The following DUOX2 variants were observed in gnomAD, a reference collection of about 807,000 sequenced individuals.
DUOX2 encodes NADH/NADPH thyroid oxidase p138-tox.
In DUOX2, 185 loss-of-function variants were observed where a neutral mutation model predicts 183.3. That is an observed-to-expected ratio of 1.01 (90% CI 0.90 to 1.14). DUOX2 has a LOEUF of 1.14. Among genes scored for constraint, DUOX2 ranks in the 50% most tolerant of loss-of-function variants. The probability of loss-of-function intolerance (pLI) is 0.00; values close to 1 mark genes in which losing one functional copy is unlikely to be tolerated. For synonymous variants in DUOX2, 788 were observed against 812.4 expected (o/e 0.97, Z 0.51); for missense variants, 1,999 against 2,022.9 (o/e 0.99, Z 0.23).
At position 45,108,165 on chromosome 15, in the gene DUOX2, G is replaced by C. The variant is rs773318299; in HGVS notation, c.1456C>G (p.Leu486Val). Residue 486 changes from leucine (L) to valine (V), a missense_variant, in exon 13 of 34, where the codon CTT becomes GTT. This residue lies in a region of DUOX2 where 1,628 missense variants were observed against 1,608.6 expected (regional missense o/e 1.01). Coordinates refer to ENST00000389039, the MANE Select transcript of DUOX2 (RefSeq NM_001363711.2). ...CCATGGCTCTCCAGGAGCCCCCCAA[G>C]GAGCAGCTCTAGCTGGGATAGGTCC... ...NQDLSQLELLLGGLLESHGDP... is the reference protein window; with the variant it reads ...NQDLSQLELLVGGLLESHGDP... 6.2e-7 allele frequency: 1 copy of C among 1,614,204 alleles called. No homozygotes were observed. Among genetic ancestry groups the C allele is most frequent in the East Asian group, 2.2e-5 (1 of 44,892 alleles).
rs760870298 is a variant in DUOX2, at chr15:45,112,963, C to A, written c.160+24G>T. The A allele has an allele frequency of 2.5e-6, 4 of 1,611,928 alleles. No individual in the cohort carries two copies. In the South Asian group the frequency reaches 3.3e-5, roughly 13 times the overall value. On this transcript the variant is annotated intron_variant, in intron 3 of 33. Coordinates refer to ENST00000389039, the MANE Select transcript of DUOX2 (RefSeq NM_001363711.2). ...GGCCCTTCGCGAGCCACGGCCCCAG[C>A]ACGCCCGGGCCCCCAGAACGCACCA...
chr15:45,099,348 T>C (rs1893998315), intron 26 of DUOX2, 35 bp downstream of exon 26: 1 of 1,590,912 alleles, frequency 6.3e-7, no homozygotes, highest in Admixed American at 1.7e-5. Context: ...GGGCCCACCC[T>C]ATGAGTCCCA....
intron 23 of DUOX2, chr15:45,100,430 C>T: frequency 1.6e-6 from 1 of 613,984 alleles, no homozygotes; most frequent in Non-Finnish European, 2.9e-6. Context: ...CACTGTCTCC[C>T]TGCTACTCCC....
chr15:45,096,073 G>T lies in DUOX2; in HGVS notation c.3848-13C>A. The T allele has an allele frequency of 1.2e-6, 2 of 1,610,594 alleles. No individual in the cohort carries two copies. Among genetic ancestry groups the T allele is most frequent in the Non-Finnish European group, 1.7e-6 (2 of 1,176,796 alleles). ...AGGTAGGTCACTCCTGGAGGTCATA[G>T]ACAGGGAAAAGCACAGATGAGAAGG... is the stretch of plus-strand genomic sequence containing the variant. On this transcript the variant is annotated splice_polypyrimidine_tract_variant and intron_variant, in intron 29 of 33. Transcript: ENST00000389039.
rs1488041042 is a variant in DUOX2, at chr15:45,100,779, C to T, written c.2981G>A (p.Gly994Glu). The change falls in exon 23 of 34, where the codon GGA becomes GAA. Residue 994 changes from glycine (G) to glutamate (E), a missense_variant. Physicochemically the swap from Gly to Glu is moderately conservative, Grantham distance 98. Transcript: ENST00000389039. ...CTTTTTGCCAAACCTCTTCTTCAGTCCAGGGCCTCCCAGCTCTGGGGCTTC... is the reference window on the plus strand; with the variant it reads ...CTTTTTGCCAAACCTCTTCTTCAGTTCAGGGCCTCCCAGCTCTGGGGCTTC... ...APEAPELGGP[G>E]LKKRFGKKAA... 1 of 1,614,108 alleles carries T rather than the reference C, an allele frequency of 6.2e-7. No individual in the cohort carries two copies.
chr15:45,095,066 G>T lies in DUOX2; in HGVS notation c.4265C>A (p.Thr1422Asn). The change falls in exon 32 of 34, where the codon ACC becomes AAC. Residue 1422 changes from threonine (T) to asparagine (N), a missense_variant. This residue lies in a region of DUOX2 where 1,628 missense variants were observed against 1,608.6 expected (regional missense o/e 1.01). Transcript: ENST00000389039. ...KKIYFIWVTRTQRQFEWLADI... is the reference protein window; with the variant it reads ...KKIYFIWVTRNQRQFEWLADI... Reference sequence around the variant, plus strand: ...AGCCAGCCACTCAAACTGACGCTGGGTCCGTGTCACCCAGATGAAGTAGAT... The same window carrying T: ...AGCCAGCCACTCAAACTGACGCTGGTTCCGTGTCACCCAGATGAAGTAGAT... The T allele has an allele frequency of 6.2e-7, 1 of 1,614,020 alleles. No homozygotes were observed. The highest frequency in any genetic ancestry group is 8.5e-7 in the Non-Finnish European group (1 of 1,180,006).
In DUOX2 at chr15:45,108,246, G is replaced by A. The variant is rs1025960297; in HGVS notation, c.1399-24C>T. On this transcript the variant is annotated intron_variant, in intron 12 of 33. Transcript: ENST00000389039. ...ACCTGGGGCACCACAGGAGATAAGG[G>A]GTGAGCGTATGTTTGCTGCGGAGGG... 8 of 1,613,480 alleles carry A rather than the reference G, an allele frequency of 5.0e-6. No individual in the cohort carries two copies. The African/African-American group carries it at 5.3e-5, about 11-fold the overall frequency.
rs746165975 is a variant in DUOX2, at chr15:45,106,254, C to CT, written c.2018dup (p.Val674GlyfsTer39). The CT allele has an allele frequency of 6.2e-7, 1 of 1,614,126 alleles. No individual in the cohort carries two copies. Among genetic ancestry groups the CT allele is most frequent in the East Asian group, 2.2e-5 (1 of 44,866 alleles). ...GCACAGTGAGATGCCTGTTCAGGAC[C>CT]TGCAGACACCTGTCTGACAGCAGCT... On this transcript the variant is annotated frameshift_variant, in exon 17 of 34. Coordinates refer to ENST00000389039, the MANE Select transcript of DUOX2 (RefSeq NM_001363711.2). LOFTEE classifies it high-confidence loss of function.
At chr15:45,105,127 G>A (rs756798220) in intron 18 of DUOX2, among the ~76,000 whole-genome samples, 10 of 152,162 alleles carry the variant, frequency 6.6e-5, no homozygotes, top group African/African-American at 1.9e-4. Context: ...GGCCACAACC[G>A]TTTGTTAAAT....
chr15:45,102,420 G>A (rs1894107286), intron 20 of DUOX2, among the ~76,000 whole-genome samples: 1 of 152,204 alleles, frequency 6.6e-6, no homozygotes. Context: ...TAGCTGCAAT[G>A]CTGCTGCTTC....
Position 45,110,501 on chromosome 15 carries a change from TG to T in DUOX2, c.966del (p.Ser323AlafsTer24), listed in dbSNP as rs1413471160. ...EYTGYRPFLD[P>X]SISPEFVVAS... ...GCCACCACAAATTCCGGGGAGATGC[TG>T]GGGTCTAGGAAAGGACGGTATCCTG... On this transcript the variant is annotated frameshift_variant, in exon 9 of 34. Transcript: ENST00000389039. LOFTEE classifies it high-confidence loss of function. 3 of 1,614,058 alleles carry T rather than the reference TG, an allele frequency of 1.9e-6. No individual in the cohort carries two copies. The highest frequency in any genetic ancestry group is 2.5e-6 in the Non-Finnish European group (3 of 1,179,990).
Position 45,105,112 on chromosome 15 carries a change from C to T in DUOX2, c.2334+531G>A, listed in dbSNP as rs190977929. Among the ~76,000 whole-genome samples, 6 of 152,364 alleles carry T rather than the reference C, an allele frequency of 3.9e-5. No homozygotes were observed. The South Asian group carries it at 6.2e-4, about 16-fold the overall frequency. On this transcript the variant is annotated intron_variant, in intron 18 of 33. Transcript: ENST00000389039. ...CTGGGATTATAGGCATGAGCCACTGCGCCTGGCCACAACCGTTTGTTAAAT... is the reference window on the plus strand; with the variant it reads ...CTGGGATTATAGGCATGAGCCACTGTGCCTGGCCACAACCGTTTGTTAAAT...
intron 33 of DUOX2, 138 bp downstream of exon 33, chr15:45,094,425 T>A (rs1325401280): frequency 6.6e-7 from 1 of 1,520,218 alleles, no homozygotes; most frequent in Non-Finnish European, 8.9e-7. Flanking sequence ...GAAGTCCCCC[T>A]TTAACAGCTG....
chr15:45,110,371 C>T lies in DUOX2; in HGVS notation c.1040+57G>A, dbSNP rs1894346696. The T allele has an allele frequency of 2.0e-6, 3 of 1,515,758 alleles. No individual in the cohort carries two copies. In the Admixed American group the frequency reaches 5.6e-5, roughly 28 times the overall value. 93.9% of individuals were successfully genotyped at this position (1,515,758 alleles called of 1,614,324 possible). Reference sequence around the variant, plus strand: ...GTGTGAAAGGCCCCAGCCCCCAAGGCAGCTCATTCTGCACCTTTCTTAGTG... The same window carrying T: ...GTGTGAAAGGCCCCAGCCCCCAAGGTAGCTCATTCTGCACCTTTCTTAGTG... On this transcript the variant is annotated intron_variant, in intron 9 of 33. Transcript: ENST00000389039.
Position 45,110,538 on chromosome 15 carries a change from A to G in DUOX2, c.944-14T>C, listed in dbSNP as rs757566771. ...AAGGACGGTATCCTGCAGGAAGGAG[A>G]CGGTGATGATGGGGAGACAGGCTTC... On this transcript the variant is annotated splice_polypyrimidine_tract_variant and intron_variant, in intron 8 of 33. Transcript: ENST00000389039. The G allele has an allele frequency of 2.5e-6, 4 of 1,614,026 alleles. No homozygotes were observed. Among genetic ancestry groups the G allele is most frequent in the South Asian group, 1.1e-5 (1 of 91,078 alleles).
rs1454390771 is a variant in DUOX2, at chr15:45,099,839, T to A, written c.3238A>T (p.Ile1080Phe). Residue 1080 changes from isoleucine (I) to phenylalanine (F), a missense_variant, in exon 25 of 34, where the codon ATC becomes TTC. Coordinates refer to ENST00000389039, the MANE Select transcript of DUOX2 (RefSeq NM_001363711.2). ...GCCGCCGTGCCTCGTGACAGGATGA[T>A]GCCCACGAGGGTGGTCTGTGCAATG... ...SDIAQTTLVG[I>F]ILSRGTAASV... 6.2e-7 allele frequency: 1 copy of A among 1,614,210 alleles called. No homozygotes were observed. The highest frequency in any genetic ancestry group is 1.3e-5 in the African/African-American group (1 of 75,064).
chr15:45,113,262 G>T, intron 2 of DUOX2, 80 bp downstream of exon 2: 1 of 1,501,010 alleles, frequency 6.7e-7, no homozygotes, highest in Non-Finnish European at 9.1e-7. Context: ...GTCTCAGGGA[G>T]CCGCTTGCCG....
intron 23 of DUOX2, chr15:45,100,553 G>C: frequency 6.2e-6 from 4 of 649,970 alleles, no homozygotes; most frequent in Non-Finnish European, 1.1e-5. Context: ...TGTTGAGCCA[G>C]GACCCTTGCC....
chr15:45,099,560 G>A, intron 25 of DUOX2, 78 bp from the exon 26 acceptor site: 5 of 1,580,376 alleles, frequency 3.2e-6, no homozygotes, highest in Non-Finnish European at 4.3e-6. Flanking sequence ...AGGAGGCATA[G>A]GGAGGAGAGA....
Sources: allele counts gnomAD v4.1 joint callset (sites outside exome capture counted in the v4.1 genomes callset), GRCh38; gene constraint gnomAD v4.1.1; regional missense constraint gnomAD v4.1.1; transcripts MANE v1.5; gene names NCBI Gene and HGNC (gene_info 2026-07-23, HGNC 2026-07-21).